The following TBC1D4 variants were observed in gnomAD, a reference collection of about 807,000 sequenced individuals.
TBC1D4 encodes the protein TBC1 domain family member 4, also known as TBC (Tre-2, BUB2, CDC16) domain-containing protein.
TBC1D4 carries 121 observed loss-of-function variants against 142.5 expected under a neutral mutation model. That is an observed-to-expected ratio of 0.85 (90% confidence interval 0.73 to 0.99). The LOEUF is 0.99. TBC1D4 is among the 50% of genes least tolerant of loss of function. The pLI, the probability that TBC1D4 is intolerant of heterozygous loss-of-function variation, is 0.00. For missense variants in TBC1D4, 1,475 were observed against 1,606.6 expected, an observed-to-expected ratio of 0.92 and a Z score of 1.40; for synonymous variants, 630 against 628.2, an observed-to-expected ratio of 1.00 and a Z score of -0.04.
intron 8 of TBC1D4, among the ~76,000 whole-genome samples, chr13:75,336,191 G>A (rs1019710885): frequency 6.6e-6 from 1 of 151,998 alleles, no homozygotes; most frequent in Admixed American, 6.6e-5. Flanking sequence ...AAGGTCAAGA[G>A]ATCGAGACCA....
chr13:75,362,703 T>A lies in TBC1D4; in HGVS notation c.499-96A>T, dbSNP rs980321428. 2.3e-6 allele frequency: 3 copies of A among 1,319,582 alleles called. No individual in the cohort carries two copies. The highest frequency in any genetic ancestry group is 2.9e-5 in the African/African-American group (2 of 68,682). 81.7% of individuals were successfully genotyped at this position (1,319,582 alleles called of 1,614,324 possible). On this transcript the variant is annotated intron_variant, in intron 1 of 20. Coordinates refer to ENST00000377636, the MANE Select transcript of TBC1D4 (RefSeq NM_014832.5). The surrounding 1 kb of genome is among the most constrained non-coding windows in gnomAD (Gnocchi z 4.2). Reference sequence around the variant, plus strand: ...TATTACCACATGGAATGTATTTTCATCCTAAATAATATACAAAGTAATAGA... The same window carrying A: ...TATTACCACATGGAATGTATTTTCAACCTAAATAATATACAAAGTAATAGA...
At chr13:75,294,499 G>A (rs1875672697) in intron 18 of TBC1D4, among the ~76,000 whole-genome samples, 1 of 152,226 alleles carries the variant, frequency 6.6e-6, no homozygotes, top group Non-Finnish European at 1.5e-5. Context: ...AGAAGACAAT[G>A]GGGGTAGAAA....
intron 1 of TBC1D4, among the ~76,000 whole-genome samples, chr13:75,395,550 G>A (rs559334580): frequency 6.2e-4 from 95 of 152,314 alleles, no homozygotes; most frequent in African/African-American, 2.0e-3. Flanking sequence ...AAATGATACG[G>A]CTAGGCACGG....
chr13:75,390,001 C>T (rs540574125), intron 1 of TBC1D4, among the ~76,000 whole-genome samples: 1 of 152,196 alleles, frequency 6.6e-6, no homozygotes, highest in Non-Finnish European at 1.5e-5. Flanking sequence ...AGAGGCTGGG[C>T]ATGGTGGCTC....
At chr13:75,349,782 G>C (rs1217656684) in intron 4 of TBC1D4, among the ~76,000 whole-genome samples, 1 of 152,274 alleles carries the variant, frequency 6.6e-6, no homozygotes, top group East Asian at 1.9e-4. Flanking sequence ...TAAAGTTCTG[G>C]ATAAAAATGA....
At chr13:75,431,213 C>A (rs1161171293) in intron 1 of TBC1D4, among the ~76,000 whole-genome samples, 2 of 152,272 alleles carry the variant, frequency 1.3e-5, no homozygotes, top group African/African-American at 4.8e-5. Flanking sequence ...ATTATACATG[C>A]AAATTATCAT....
intron 5 of TBC1D4, among the ~76,000 whole-genome samples, chr13:75,345,139 C>G (rs541061873): frequency 6.6e-6 from 1 of 152,278 alleles, no homozygotes; most frequent in African/African-American, 2.4e-5. Flanking sequence ...CTGGCTCTGC[C>G]CCTTCTAAGC....
In TBC1D4 at chr13:75,324,419, A is replaced by G; in HGVS notation, c.2034-18T>C. 6.2e-7 allele frequency: 1 copy of G among 1,613,490 alleles called. No individual in the cohort carries two copies. The highest frequency in any genetic ancestry group is 1.1e-5 in the South Asian group (1 of 91,022). On this transcript the variant is annotated intron_variant, in intron 10 of 20. Transcript: ENST00000377636. Reference sequence around the variant, plus strand: ...AAAGATTGCTGAGTACAGAAAATACAGCAAATATGTCTTAATTTATATTTT... The same window carrying G: ...AAAGATTGCTGAGTACAGAAAATACGGCAAATATGTCTTAATTTATATTTT...
intron 16 of TBC1D4, among the ~76,000 whole-genome samples, chr13:75,300,443 CTCATGTCATTTAGA>C (rs1566352014): frequency 6.6e-6 from 1 of 152,154 alleles, no homozygotes; most frequent in African/African-American, 2.4e-5. Flanking sequence ...GAAATGATTA[CTCATGTCATTTAGA>C]ACTTGCAAGA....
At chr13:75,428,072 A>G (rs1355846676) in intron 1 of TBC1D4, among the ~76,000 whole-genome samples, 1 of 152,212 alleles carries the variant, frequency 6.6e-6, no homozygotes, top group Non-Finnish European at 1.5e-5. Context: ...CAAACATTGA[A>G]TATCTGGCAT....
intron 1 of TBC1D4, among the ~76,000 whole-genome samples, chr13:75,364,740 T>C (rs1882799093): frequency 6.6e-6 from 1 of 152,254 alleles, no homozygotes; most frequent in South Asian, 2.1e-4. Flanking sequence ...GATTACTAAA[T>C]ATTTTTAATC....
At chr13:75,472,491 T>C (rs991223263) in intron 1 of TBC1D4, among the ~76,000 whole-genome samples, 1 of 152,198 alleles carries the variant, frequency 6.6e-6, no homozygotes, top group Non-Finnish European at 1.5e-5. Flanking sequence ...ACCACCACTA[T>C]GTTCATGCCA....
chr13:75,319,985 T>A lies in TBC1D4; in HGVS notation c.2222+29A>T, dbSNP rs759144085. The A allele has an allele frequency of 9.9e-6, 16 of 1,609,590 alleles. No homozygotes were observed. The East Asian group carries it at 1.8e-4, about 18-fold the overall frequency. Reference sequence around the variant, plus strand: ...GTTGGAAGAATCTGTGAATTTTTTTTAAATAAAAATACGTAGACCTCTAAT... The same window carrying A: ...GTTGGAAGAATCTGTGAATTTTTTTAAAATAAAAATACGTAGACCTCTAAT... On this transcript the variant is annotated intron_variant, in intron 12 of 20. Transcript: ENST00000377636.
Position 75,481,716 on chromosome 13 carries a change from G to A in TBC1D4, c.52C>T (p.Pro18Ser), listed in dbSNP as rs764075601. ...QDEPFPHPLE[P>S]EPGVSAQPGP... The stretch of plus-strand genomic sequence containing the variant: ...GGCTGAGCTGAGACGCCCGGCTCGG[G>A]CTCCAGGGGGTGCGGGAACGGCTCA... Residue 18 changes from proline to serine, a missense_variant, in exon 1 of 21, where the codon CCC becomes TCC. This residue lies in a region of TBC1D4 where 1,227 missense variants were observed against 1,267.7 expected (regional missense o/e 0.97). Coordinates refer to ENST00000377636, the MANE Select transcript of TBC1D4 (RefSeq NM_014832.5). The A allele has an allele frequency of 6.3e-7, 1 of 1,596,358 alleles. No individual in the cohort carries two copies. Among genetic ancestry groups the A allele is most frequent in the Non-Finnish European group, 8.5e-7 (1 of 1,173,700 alleles).
chr13:75,358,754 C>CT (rs760001683), intron 3 of TBC1D4, among the ~76,000 whole-genome samples: 20 of 152,076 alleles, frequency 1.3e-4, no homozygotes, highest in Non-Finnish European at 2.5e-4. Flanking sequence ...GTCCCAGCTA[C>CT]TGGAGAGGCT....
intron 5 of TBC1D4, among the ~76,000 whole-genome samples, chr13:75,344,433 C>T (rs9530422): frequency 0.015 from 2,272 of 152,322 alleles, 25 homozygotes; most frequent in Non-Finnish European, 0.023. Context: ...CATGCTCCCT[C>T]TTCCATGAAT....
intron 1 of TBC1D4, among the ~76,000 whole-genome samples, chr13:75,469,256 C>T (rs1231991171): frequency 6.6e-6 from 1 of 152,180 alleles, no homozygotes. Context: ...CGGAGTCACA[C>T]ACGATCACAT....
At chr13:75,353,553 T>C (rs1881790982) in intron 4 of TBC1D4, among the ~76,000 whole-genome samples, 1 of 152,096 alleles carries the variant, frequency 6.6e-6, no homozygotes, top group Non-Finnish European at 1.5e-5. Flanking sequence ...TGGCAAGAAC[T>C]GTTTGAGACC....
At chr13:75,340,839 G>A (rs146101709) in intron 7 of TBC1D4, among the ~76,000 whole-genome samples, 1,774 of 152,256 alleles carry the variant, frequency 0.012, 17 homozygotes, top group Non-Finnish European at 0.014. Context: ...CCAGCTACCC[G>A]GGAAGCTGAG....
Sources: allele counts gnomAD v4.1 joint callset (sites outside exome capture counted in the v4.1 genomes callset), GRCh38; gene constraint gnomAD v4.1.1; regional missense constraint gnomAD v4.1.1; non-coding constraint Gnocchi (gnomAD v3.1); transcripts MANE v1.5; gene names NCBI Gene and HGNC (gene_info 2026-07-23, HGNC 2026-07-21).